Variants in EXOC6B observed in about 807,000 individuals in gnomAD.
EXOC6B encodes SEC15 homolog B.
A neutral mutation model predicts 113.5 loss-of-function variants in EXOC6B; 54 were observed. The observed-to-expected ratio is 0.48, with a 90% CI of 0.38 to 0.60. EXOC6B has a LOEUF of 0.60. Ranked by LOEUF, EXOC6B falls within the 20% of genes least tolerant of loss-of-function variation. EXOC6B has a pLI of 0.00. For missense variants in EXOC6B, 797 were observed against 977.5 expected (o/e 0.82, Z 2.46); for synonymous variants, 357 against 339.0 (o/e 1.05, Z -0.58).
Position 72,514,698 on chromosome 2 carries a change from A to T in EXOC6B, c.1000-18T>A. 6.8e-7 allele frequency: 1 copy of T among 1,474,430 alleles called. No individual in the cohort carries two copies. Among genetic ancestry groups the T allele is most frequent in the Non-Finnish European group, 9.1e-7 (1 of 1,100,948 alleles). The allele number at this position is 1,474,430 out of a possible 1,614,324, so 91.3% of individuals were successfully genotyped here. A position where few individuals can be genotyped will look rare whatever the true frequency, so the allele number is the denominator to read the frequency against. ...GTTTCATGCTGCAACAAAGCAAAGAAGAAAAAGTTATTGTTTCTGTTTTGT... is the reference window on the plus strand; with the variant it reads ...GTTTCATGCTGCAACAAAGCAAAGATGAAAAAGTTATTGTTTCTGTTTTGT... On this transcript the variant is annotated intron_variant, in intron 9 of 21. Coordinates refer to ENST00000272427, the MANE Select transcript of EXOC6B (RefSeq NM_015189.3).
At chr2:72,806,482 G>A (rs1685582068) in intron 1 of EXOC6B, among the ~76,000 whole-genome samples, 1 of 152,192 alleles carries the variant, frequency 6.6e-6, no homozygotes, top group Non-Finnish European at 1.5e-5. Context: ...AAATGGTGAT[G>A]CAATAAACAT....
chr2:72,580,694 TTACTTGGA>T (rs1334255032), intron 6 of EXOC6B, among the ~76,000 whole-genome samples: 1 of 152,030 alleles, frequency 6.6e-6, no homozygotes, highest in African/African-American at 2.4e-5. Context: ...TGACATCAGG[TTACTTGGA>T]TACTTGGATA....
chr2:72,643,792 A>G (rs1673459066), intron 6 of EXOC6B, among the ~76,000 whole-genome samples: 1 of 151,264 alleles, frequency 6.6e-6, no homozygotes, highest in Non-Finnish European at 1.5e-5. Flanking sequence ...AAAAAAAAGA[A>G]GCAATAAAAA....
intron 10 of EXOC6B, 40 bp from the exon 11 acceptor site, chr2:72,513,292 TAC>T: frequency 6.2e-7 from 1 of 1,609,336 alleles, no homozygotes; most frequent in Non-Finnish European, 8.5e-7. Flanking sequence ...TGTCAGAAAT[TAC>T]AGTTTTATTA....
At chr2:72,648,373 G>A (rs879832612) in intron 6 of EXOC6B, among the ~76,000 whole-genome samples, 7 of 152,190 alleles carry the variant, frequency 4.6e-5, no homozygotes, top group Admixed American at 3.9e-4. Flanking sequence ...ACAGTGTGGC[G>A]ATTCCTCAAG....
intron 10 of EXOC6B, 95 bp from the exon 11 acceptor site, chr2:72,513,347 G>T: frequency 6.9e-7 from 1 of 1,459,096 alleles, no homozygotes. Flanking sequence ...ACCATCAAAT[G>T]CAAAGTTAGT....
rs1222465489 is a variant in EXOC6B, at chr2:72,825,571, C to A, written c.113+227G>T. On this transcript the variant is annotated intron_variant, in intron 1 of 21. Transcript: ENST00000272427. The surrounding 1 kb of genome is among the most constrained non-coding windows in gnomAD (Gnocchi z 4.4). The stretch of plus-strand genomic sequence containing the variant: ...GGAGGGAGAACGAAGGCTGCTCCTG[C>A]CCCGAGGGAGGCAGCGGGAGGGTCC... Among the ~76,000 whole-genome samples, 2 of 152,174 alleles carry A rather than the reference C, an allele frequency of 1.3e-5. No homozygotes were observed. Among genetic ancestry groups the A allele is most frequent in the Non-Finnish European group, 2.9e-5 (2 of 68,028 alleles).
rs1050673784 is a variant in EXOC6B, at chr2:72,378,616, T to C, written c.2122+1113A>G. On this transcript the variant is annotated intron_variant, in intron 19 of 21. Transcript: ENST00000272427. ...TGATGGCTGTAACTAGAAGTCCTAT[T>C]AATGCCTTTTTAAATTAAAAATAGC... 2.0e-5 allele frequency among the ~76,000 whole-genome samples: 3 copies of C among 152,356 alleles called. No homozygotes were observed. In the East Asian group the frequency reaches 5.8e-4, roughly 29 times the overall value.
chr2:72,718,206 T>C lies in EXOC6B; in HGVS notation c.566A>G (p.Lys189Arg), dbSNP rs372389968. The C allele has an allele frequency of 2.5e-6, 4 of 1,613,780 alleles. No individual in the cohort carries two copies. In the African/African-American group the frequency reaches 4.0e-5, roughly 16 times the overall value. ...FCKVMVDNIP[K>R]LREEIKDVSM... The stretch of plus-strand genomic sequence containing the variant: ...AACATCTTTTATTTCTTCTCGAAGC[T>C]TGGGGATGTTGTCCACCATCACCTT... The change falls in exon 6 of 22, where the codon AAG becomes AGG. Residue 189 changes from lysine (K) to arginine (R), a missense_variant. Lys to Arg is a conservative substitution (Grantham distance 26). Coordinates refer to ENST00000272427, the MANE Select transcript of EXOC6B (RefSeq NM_015189.3).
At chr2:72,754,466 G>A (rs532423493) in intron 1 of EXOC6B, among the ~76,000 whole-genome samples, 13 of 151,014 alleles carry the variant, frequency 8.6e-5, no homozygotes, top group Admixed American at 3.3e-4. Context: ...TCCTAGCCTC[G>A]AGCAATCCTA....
intron 19 of EXOC6B, among the ~76,000 whole-genome samples, chr2:72,350,533 A>C (rs1689592693): frequency 6.6e-6 from 1 of 152,206 alleles, no homozygotes; most frequent in Non-Finnish European, 1.5e-5. Flanking sequence ...TAAACTTGGA[A>C]CTAAGAGCTC....
chr2:72,731,425 C>T (rs545065235), intron 3 of EXOC6B, among the ~76,000 whole-genome samples, 180 bp from the exon 4 acceptor site: 3 of 152,236 alleles, frequency 2.0e-5, no homozygotes, highest in South Asian at 4.1e-4. Flanking sequence ...CACAGTTTCC[C>T]GCTTTCTCCC....
chr2:72,459,146 A>G (rs1330854642), intron 18 of EXOC6B, among the ~76,000 whole-genome samples: 3 of 152,036 alleles, frequency 2.0e-5, no homozygotes, highest in South Asian at 2.1e-4. Context: ...CCTTTGACAA[A>G]ATTCAACAAC....
chr2:72,336,674 T>C (rs1323952057), intron 19 of EXOC6B, among the ~76,000 whole-genome samples: 3 of 152,170 alleles, frequency 2.0e-5, no homozygotes, highest in South Asian at 2.1e-4. Context: ...ATAAATTAAT[T>C]CTATCGTATA....
chr2:72,523,933 C>T (rs1445143767), intron 8 of EXOC6B, among the ~76,000 whole-genome samples: 1 of 151,420 alleles, frequency 6.6e-6, no homozygotes, highest in Non-Finnish European at 1.5e-5. Flanking sequence ...AGAAAATTAA[C>T]TCTTGGATTG....
At position 72,492,370 on chromosome 2, in the gene EXOC6B, A is replaced by T; in HGVS notation, c.1613T>A (p.Leu538Gln). 6.2e-7 allele frequency: 1 copy of T among 1,613,078 alleles called. No individual in the cohort carries two copies. The highest frequency in any genetic ancestry group is 8.5e-7 in the Non-Finnish European group (1 of 1,179,190). The part of the protein sequence containing the change: ...KSTNLLLTRT[L>Q]SNSLQNVIKR... ...AATTACATTCTGCAGAGAGTTGCTC[A>T]GAGTCCTGGTTAGCAACAGGTTTGT... Residue 538 changes from leucine (L) to glutamine (Q), a missense_variant, in exon 16 of 22, where the codon CTG (leucine) becomes CAG (glutamine). Leu to Gln is a moderately radical substitution (Grantham distance 113, BLOSUM62 -2). Coordinates refer to ENST00000272427, the MANE Select transcript of EXOC6B (RefSeq NM_015189.3).
At chr2:72,436,258 G>C (rs914092048) in intron 18 of EXOC6B, among the ~76,000 whole-genome samples, 10 of 152,168 alleles carry the variant, frequency 6.6e-5, no homozygotes, top group Non-Finnish European at 1.5e-4. Flanking sequence ...GGTTTCTGCA[G>C]AGAGATCTGC....
intron 18 of EXOC6B, among the ~76,000 whole-genome samples, chr2:72,458,243 G>A (rs184321460): frequency 1.2e-4 from 18 of 152,176 alleles, no homozygotes; most frequent in African/African-American, 3.9e-4. Flanking sequence ...TTTCAGAAAC[G>A]AACTCTTTTC....
At chr2:72,821,517 T>A (rs11126383) in intron 1 of EXOC6B, among the ~76,000 whole-genome samples, 85,931 of 151,486 alleles carry the variant, frequency 0.57, 29,407 homozygotes, top group East Asian at 0.92. Flanking sequence ...AAAACTAGTA[T>A]ACAAATGGCC....
Sources: allele counts gnomAD v4.1 joint callset (sites outside exome capture counted in the v4.1 genomes callset), GRCh38; gene constraint gnomAD v4.1.1; non-coding constraint Gnocchi (gnomAD v3.1); transcripts MANE v1.5; gene names NCBI Gene and HGNC (gene_info 2026-07-23, HGNC 2026-07-21).